GGPS1: variants seen among roughly 807,000 people sequenced by gnomAD.
The protein encoded by GGPS1 is geranylgeranyl diphosphate synthase 1, also known as geranylgeranyl pyrophosphate synthase.
GGPS1 carries 15 observed loss-of-function variants against 28.1 expected under a neutral mutation model. That is an observed-to-expected ratio of 0.53 (90% CI 0.36 to 0.82). The LOEUF (loss-of-function observed/expected upper bound fraction) is 0.82. Among genes scored for constraint, GGPS1 ranks in the 40% least tolerant of loss-of-function variants. GGPS1 has a pLI of 0.01. For synonymous variants in GGPS1, 138 were observed against 122.4 expected (o/e 1.13, Z -0.84); for missense variants, 284 against 348.3 (o/e 0.82, Z 1.47).
chr1:235,328,232 ATT>A (rs376818385), upstream of GGPS1: 1 of 108,180 alleles, frequency 9.2e-6, no homozygotes, highest in South Asian at 3.2e-4. Flanking sequence ...CCTCCCCTAG[ATT>A]TTTTTTCCCC....
intron 1 of GGPS1, among the ~76,000 whole-genome samples, chr1:235,331,403 T>C (rs998334882): frequency 6.6e-6 from 1 of 152,196 alleles, no homozygotes; most frequent in Admixed American, 6.5e-5. Flanking sequence ...GTAATCTGCC[T>C]TCAATAAAGA....
At position 235,342,093 on chromosome 1, in the gene GGPS1, G is replaced by T. The variant is rs1676063517; in HGVS notation, c.224G>T (p.Gly75Val). Residue 75 changes from glycine to valine, a missense_variant, in exon 4 of 4, where the codon GGC (glycine) becomes GTC (valine). Physicochemically the swap from Gly to Val is moderately radical, Grantham distance 109. Coordinates refer to ENST00000282841, the MANE Select transcript of GGPS1 (RefSeq NM_004837.4). ...GAAGACAACTCAAAACTCCGACGTGGCTTTCCAGTGGCCCACAGCATCTAT... is the reference window on the plus strand; with the variant it reads ...GAAGACAACTCAAAACTCCGACGTGTCTTTCCAGTGGCCCACAGCATCTAT... ...DIEDNSKLRR[G>V]FPVAHSIYGI... 1 of 1,613,046 alleles carries T rather than the reference G, an allele frequency of 6.2e-7. No individual in the cohort carries two copies. The highest frequency in any genetic ancestry group is 8.5e-7 in the Non-Finnish European group (1 of 1,179,096).
intron 1 of GGPS1, among the ~76,000 whole-genome samples, chr1:235,333,212 C>T (rs192636272): frequency 1.3e-5 from 2 of 151,808 alleles, no homozygotes; most frequent in African/African-American, 2.4e-5. Flanking sequence ...GCAGCTGTAT[C>T]AGAATCATAC....
intron 2 of GGPS1, among the ~76,000 whole-genome samples, chr1:235,338,795 G>T (rs964233071): frequency 6.6e-6 from 1 of 152,076 alleles, no homozygotes; most frequent in Non-Finnish European, 1.5e-5. Context: ...GAGCCTAGGA[G>T]GTCAAGGCTG....
intron 2 of GGPS1, among the ~76,000 whole-genome samples, chr1:235,340,512 G>A (rs1228609661): frequency 6.0e-5 from 9 of 151,082 alleles, no homozygotes; most frequent in African/African-American, 1.9e-4. Flanking sequence ...CGAGGCGGGC[G>A]GATCACGAGG....
chr1:235,333,067 CAAAAAAAAAA>C (rs5781828), intron 1 of GGPS1, among the ~76,000 whole-genome samples: 1 of 43,316 alleles, frequency 2.3e-5, no homozygotes, highest in Non-Finnish European at 3.9e-5. Context: ...GACTCCGTCT[CAAAAAAAAAA>C]AAAAAAAAAA....
chr1:235,335,268 G>A lies in GGPS1; in HGVS notation c.4G>A (p.Glu2Lys), dbSNP rs759817525. Reference protein sequence around the residue: MEKTQETVQRIL... With the variant: MKKTQETVQRIL... The stretch of plus-strand genomic sequence containing the variant: ...TTAGCTTTGAAGTTTAAATCCAATG[G>A]AGAAGACTCAAGAAACAGTCCAAAG... Residue 2 changes from glutamate (E) to lysine (K), a missense_variant, in exon 2 of 4, where the codon GAG becomes AAG. By Grantham distance (56) the Glu-to-Lys change is moderately conservative. Coordinates refer to ENST00000282841, the MANE Select transcript of GGPS1 (RefSeq NM_004837.4). The A allele has an allele frequency of 2.0e-6, 3 of 1,505,716 alleles. No homozygotes were observed. Among genetic ancestry groups the A allele is most frequent in the South Asian group, 1.1e-5 (1 of 87,476 alleles). The allele number at this position is 1,505,716 out of a possible 1,614,324, so 93.3% of individuals were successfully genotyped here. A position where few individuals can be genotyped will look rare whatever the true frequency, so the allele number is the denominator to read the frequency against.
At chr1:235,335,385 C>A in intron 2 of GGPS1, 51 bp downstream of exon 2, 4 of 818,672 alleles carry the variant, frequency 4.9e-6, no homozygotes, top group South Asian at 4.6e-5. Flanking sequence ...CAGTAGTGGT[C>A]GTTCAAATGT....
In GGPS1 at chr1:235,335,308, C is replaced by A. The variant is rs1157311940; in HGVS notation, c.44C>A (p.Pro15His). The stretch of plus-strand genomic sequence containing the variant: ...ACAGTCCAAAGAATTCTTCTAGAAC[C>A]CTATAAATACTTACTTCAGTTACCA... ...QETVQRILLE[P>H]YKYLLQLPGK... is the part of the protein sequence containing the mutation. Residue 15 changes from proline (P) to histidine (H), a missense_variant, in exon 2 of 4, where the codon CCC (proline) becomes CAC (histidine). Pro to His is a moderately conservative substitution (Grantham distance 77). Transcript: ENST00000282841. The A allele has an allele frequency of 6.5e-7, 1 of 1,543,768 alleles. No individual in the cohort carries two copies. Among genetic ancestry groups the A allele is most frequent in the South Asian group, 1.1e-5 (1 of 88,962 alleles).
chr1:235,335,382 G>T, intron 2 of GGPS1, 48 bp downstream of exon 2: 1 of 850,816 alleles, frequency 1.2e-6, no homozygotes, highest in Non-Finnish European at 1.9e-6. Flanking sequence ...ATGCAGTAGT[G>T]GTCGTTCAAA....
intron 1 of GGPS1, among the ~76,000 whole-genome samples, chr1:235,333,711 C>T (rs1160137341): frequency 6.6e-6 from 1 of 152,104 alleles, no homozygotes. Context: ...ACTGAGATAA[C>T]TTTCTAAAGT....
chr1:235,342,818 C>CT lies in GGPS1; in HGVS notation c.*54dup, dbSNP rs562440505. Reference sequence around the variant, plus strand: ...GACCTCATAGCTTATTTTAGTTAATCTTTTTTTTGTCTTTTAGCCTTACCA... The same window carrying CT: ...GACCTCATAGCTTATTTTAGTTAATCTTTTTTTTTGTCTTTTAGCCTTACCA... On this transcript the variant is annotated 3_prime_UTR_variant, in exon 4 of 4. Coordinates refer to ENST00000282841, the MANE Select transcript of GGPS1 (RefSeq NM_004837.4). 1.3e-3 allele frequency: 1,826 copies of CT among 1,356,310 alleles called. 4 individuals carry two copies. Among genetic ancestry groups the CT allele is most frequent in the Admixed American group, 3.1e-3 (133 of 42,768 alleles). The allele number at this position is 1,356,310 out of a possible 1,614,324, so 84.0% of individuals were successfully genotyped here. A position where few individuals can be genotyped will look rare whatever the true frequency, so the allele number is the denominator to read the frequency against.
rs930099476 is a variant in GGPS1 at position 235,332,429 on chromosome 1, G to A, written c.-23-2813G>A. Among the ~76,000 whole-genome samples the A allele has an allele frequency of 4.1e-5, 6 of 146,908 alleles. No homozygotes were observed. The South Asian group carries it at 6.8e-4, about 17-fold the overall frequency. ...TGTTTTAATGGCTGAGTAATCATTC[G>A]TTGTATATATACCACATTTTCTTTA... On this transcript the variant is annotated intron_variant, in intron 1 of 3. Coordinates refer to ENST00000282841, the MANE Select transcript of GGPS1 (RefSeq NM_004837.4).
At position 235,342,219 on chromosome 1, in the gene GGPS1, G is replaced by T. The variant is rs550768116; in HGVS notation, c.350G>T (p.Arg117Leu). The T allele has an allele frequency of 1.2e-6, 2 of 1,613,720 alleles. No homozygotes were observed. The highest frequency in any genetic ancestry group is 1.7e-6 in the Non-Finnish European group (2 of 1,179,804). ...DHPDAVKLFT[R>L]QLLELHQGQG... ...CCAGATGCAGTGAAGCTTTTTACCCGCCAGCTTTTGGAACTCCATCAGGGA... is the reference window on the plus strand; with the variant it reads ...CCAGATGCAGTGAAGCTTTTTACCCTCCAGCTTTTGGAACTCCATCAGGGA... The change falls in exon 4 of 4, where the codon CGC becomes CTC. Residue 117 changes from arginine to leucine, a missense_variant. Arg to Leu is a moderately radical substitution (Grantham distance 102). Transcript: ENST00000282841.
chr1:235,334,652 T>C (rs1675813358), intron 1 of GGPS1, among the ~76,000 whole-genome samples: 1 of 152,218 alleles, frequency 6.6e-6, no homozygotes, highest in African/African-American at 2.4e-5. Context: ...ATTCTGAACA[T>C]TTCGTATAAA....
chr1:235,339,616 C>G (rs1025518490), intron 2 of GGPS1, among the ~76,000 whole-genome samples: 9 of 150,020 alleles, frequency 6.0e-5, no homozygotes, highest in Non-Finnish European at 1.3e-4. Flanking sequence ...AAAAATTAGC[C>G]AGGTGTGGTG....
intron 1 of GGPS1, chr1:235,329,101 T>C (rs1675589091): frequency 6.6e-6 from 1 of 152,406 alleles, no homozygotes; most frequent in Non-Finnish European, 1.5e-5. Context: ...TGAAATTCCC[T>C]GTTTATATCA....
At chr1:235,327,739 G>A (rs942403545), upstream of GGPS1, 1 of 152,642 alleles carries the variant, frequency 6.6e-6, no homozygotes, top group Non-Finnish European at 1.5e-5. Flanking sequence ...CCCCTTAGGA[G>A]ACCACGAAAG....
At chr1:235,329,338 A>G (rs1474435135) in intron 1 of GGPS1, 12 of 152,262 alleles carry the variant, frequency 7.9e-5, no homozygotes, top group Admixed American at 5.2e-4. Flanking sequence ...AGCGCCGACC[A>G]CTGGGGTGGC....
Sources: gnomAD v4.1 joint callset for allele counts (sites outside exome capture counted in the v4.1 genomes callset) on GRCh38, gnomAD v4.1.1 for gene constraint, MANE v1.5 for transcripts, NCBI Gene and HGNC (gene_info 2026-07-23, HGNC 2026-07-21) for gene names.